Variants in DAB1 observed in about 807,000 individuals in gnomAD.
The protein encoded by DAB1 is DAB adaptor protein 1.
Under a neutral mutation model 64.6 loss-of-function variants are expected in DAB1, and 15 were observed. That is an observed-to-expected ratio of 0.23 (90% CI 0.16 to 0.36). The LOEUF (loss-of-function observed/expected upper bound fraction) is 0.36. Ranked by LOEUF, DAB1 falls within the 10% of genes least tolerant of loss-of-function variation. The pLI, the probability that DAB1 is intolerant of heterozygous loss-of-function variation, is 1.00. For synonymous variants in DAB1, 235 were observed against 251.9 expected, an observed-to-expected ratio of 0.93 and a Z score of 0.64; for missense variants, 596 against 706.7, an observed-to-expected ratio of 0.84 and a Z score of 1.78.
chr1:58,025,747 CTCTG>C (rs1169589526), intron 5 of DAB1, among the ~76,000 whole-genome samples: 1 of 147,498 alleles, frequency 6.8e-6, no homozygotes, highest in African/African-American at 2.5e-5. Flanking sequence ...CATATTCCTC[CTCTG>C]TCTTTGGGGT....
chr1:57,673,323 G>A (rs535397619), intron 6 of DAB1, among the ~76,000 whole-genome samples: 1 of 152,104 alleles, frequency 6.6e-6, no homozygotes, highest in Non-Finnish European at 1.5e-5. Context: ...GGAACAGGAA[G>A]GAGCATAAAC....
chr1:58,447,866 A>AC (rs1557765402), intron 3 of DAB1, among the ~76,000 whole-genome samples: 10 of 152,076 alleles, frequency 6.6e-5, no homozygotes, highest in African/African-American at 2.4e-4. Context: ...ACAAAAAAAA[A>AC]AAAAAAGTCT....
chr1:58,533,700 A>G (rs1646472301), intron 1 of DAB1, among the ~76,000 whole-genome samples: 1 of 152,192 alleles, frequency 6.6e-6, no homozygotes, highest in African/African-American at 2.4e-5. Flanking sequence ...GAGAATAATT[A>G]CGTTTTAGCA....
At position 57,327,601 on chromosome 1, in the gene DAB1, G is replaced by C. The variant is rs552473506; in HGVS notation, c.-136-36435C>G. Among the ~76,000 whole-genome samples, 3 of 152,256 alleles carry C rather than the reference G, an allele frequency of 2.0e-5. No homozygotes were observed. In the South Asian group the frequency reaches 6.2e-4, roughly 32 times the overall value. On this transcript the variant is annotated intron_variant, in intron 1 of 14. Transcript: ENST00000371236. ...AGATGTCAGGAAAAAAAGAGGTTAAGAGATCACCAAAATGATACCATGTGT... is the reference window on the plus strand; with the variant it reads ...AGATGTCAGGAAAAAAAGAGGTTAACAGATCACCAAAATGATACCATGTGT...
intron 4 of DAB1, among the ~76,000 whole-genome samples, chr1:57,098,322 T>G (rs898139002): frequency 5.9e-5 from 9 of 152,204 alleles, no homozygotes; most frequent in Admixed American, 1.3e-4. Context: ...TAGGATAATA[T>G]TATAATTCTA....
At chr1:57,436,043 A>G (rs1685683771) in intron 7 of DAB1, among the ~76,000 whole-genome samples, 2 of 150,118 alleles carry the variant, frequency 1.3e-5, no homozygotes, top group Non-Finnish European at 2.9e-5. Flanking sequence ...CAGCCTCCTG[A>G]GTAGCTGGGA....
chr1:57,270,827 C>G (rs535037636), intron 2 of DAB1, among the ~76,000 whole-genome samples: 2 of 152,150 alleles, frequency 1.3e-5, no homozygotes, highest in African/African-American at 2.4e-5. Flanking sequence ...CCTTGCTTGG[C>G]CCTATCACAC....
At chr1:57,754,587 G>A (rs186850116) in intron 6 of DAB1, among the ~76,000 whole-genome samples, 243 of 152,248 alleles carry the variant, frequency 1.6e-3, no homozygotes, top group African/African-American at 5.7e-3. Flanking sequence ...TCGGAAGGCT[G>A]AGGCAGGAGA....
intron 1 of DAB1, among the ~76,000 whole-genome samples, chr1:57,404,990 T>G (rs1472126189): frequency 6.6e-6 from 1 of 152,204 alleles, no homozygotes; most frequent in Non-Finnish European, 1.5e-5. Flanking sequence ...AACTACTAAG[T>G]TGCTCATGTT....
intron 5 of DAB1, among the ~76,000 whole-genome samples, chr1:57,931,594 G>A (rs907118984): frequency 2.6e-5 from 4 of 152,104 alleles, no homozygotes; most frequent in East Asian, 1.9e-4. Context: ...TGTCTGTCAC[G>A]GAGTTGATCC....
intron 6 of DAB1, among the ~76,000 whole-genome samples, chr1:57,656,349 TAA>T (rs1045780022): frequency 3.6e-5 from 5 of 137,054 alleles, no homozygotes; most frequent in African/African-American, 1.5e-4. Context: ...GGTGCAAAAG[TAA>T]TTGTGTGTGT....
At position 58,362,763 on chromosome 1, in the gene DAB1, C is replaced by T. The variant is rs141345395; in HGVS notation, n.258-19360G>A. On this transcript the variant is annotated intron_variant and non_coding_transcript_variant, in intron 3 of 20. Transcript: ENST00000485760. ...CACATTAGATCTAATCTAATCCAAA[C>T]TCTTCATTTGCCAGTGAGAAAACTG... is the stretch of plus-strand genomic sequence containing the variant. Among the ~76,000 whole-genome samples the T allele has an allele frequency of 2.7e-4, 41 of 152,296 alleles. No homozygotes were observed. The East Asian group carries it at 7.5e-3, about 28-fold the overall frequency.
intron 4 of DAB1, among the ~76,000 whole-genome samples, chr1:58,262,793 A>C (rs998686742): frequency 6.6e-6 from 1 of 152,192 alleles, no homozygotes; most frequent in African/African-American, 2.4e-5. Context: ...AATAAAATAT[A>C]GACAGAAGTA....
intron 1 of DAB1, among the ~76,000 whole-genome samples, chr1:57,341,181 A>T (rs903341868): frequency 6.6e-6 from 1 of 152,220 alleles, no homozygotes; most frequent in East Asian, 1.9e-4. Context: ...AGGCAGTCCA[A>T]TCTCAAAATC....
chr1:57,015,530 C>T (rs1328902650), intron 11 of DAB1, 99 bp from the exon 12 acceptor site: 62 of 1,109,694 alleles, frequency 5.6e-5, no homozygotes, highest in Non-Finnish European at 7.8e-5. Context: ...CAAGCACCAA[C>T]TAAGTGCCAG....
At chr1:57,622,953 A>T (rs2101618548) in intron 7 of DAB1, among the ~76,000 whole-genome samples, 1 of 152,340 alleles carries the variant, frequency 6.6e-6, no homozygotes, top group Non-Finnish European at 1.5e-5. Context: ...TTTAAAAATT[A>T]AACCCTGTTG....
intron 5 of DAB1, chr1:58,071,607 A>C (rs951679441): frequency 3.3e-5 from 5 of 152,168 alleles, no homozygotes; most frequent in African/African-American, 1.2e-4. Context: ...CTGAAGAATG[A>C]ACACATGGAA....
chr1:57,625,240 CCCT>C (rs1416844816), intron 7 of DAB1, among the ~76,000 whole-genome samples: 1 of 152,066 alleles, frequency 6.6e-6, no homozygotes, highest in South Asian at 2.1e-4. Flanking sequence ...CCCTCCTTTT[CCCT>C]CCTCCTTCTT....
intron 3 of DAB1, among the ~76,000 whole-genome samples, chr1:58,345,796 A>G (rs1165515362): frequency 6.6e-6 from 1 of 152,038 alleles, no homozygotes; most frequent in Non-Finnish European, 1.5e-5. Context: ...CCCTCATTAT[A>G]TAAGGAGGCT....
Sources: gnomAD v4.1 joint callset for allele counts (sites outside exome capture counted in the v4.1 genomes callset) on GRCh38, gnomAD v4.1.1 for gene constraint, MANE v1.5 for transcripts, NCBI Gene and HGNC (gene_info 2026-07-23, HGNC 2026-07-21) for gene names.